The following TRRAP variants were observed in gnomAD, a reference collection of about 807,000 sequenced individuals.
TRRAP encodes transformation/transcription domain associated protein.
Under a neutral mutation model 438.8 loss-of-function variants are expected in TRRAP, and 41 were observed. The ratio of observed to expected loss-of-function variants is 0.09; its 90% CI spans 0.07 to 0.12. The LOEUF is 0.12. Among genes scored for constraint, TRRAP ranks in the 10% least tolerant of loss-of-function variants. The pLI is 1.00. For synonymous variants in TRRAP, 1,994 were observed against 1,962.9 expected (o/e 1.02, Z -0.42); for missense variants, 3,122 against 5,055.1 (o/e 0.62, Z 11.60).
At chr7:98,903,657 C>A (rs1217818745) in intron 12 of TRRAP, 140 bp downstream of exon 12, 27 of 1,230,176 alleles carry the variant, frequency 2.2e-5, no homozygotes, top group Non-Finnish European at 2.8e-5. Context: ...TTCATTCTTT[C>A]CCCTCTTTTC....
chr7:98,891,630 G>A (rs557204360), intron 4 of TRRAP, among the ~76,000 whole-genome samples: 94 of 151,056 alleles, frequency 6.2e-4, no homozygotes, highest in African/African-American at 2.1e-3. Context: ...CCGCCTCCCG[G>A]GTTCACACCA....
intron 1 of TRRAP, among the ~76,000 whole-genome samples, chr7:98,880,155 C>G (rs2116213649): frequency 6.6e-6 from 1 of 152,246 alleles, no homozygotes; most frequent in South Asian, 2.1e-4. Flanking sequence ...GGGAGCCCAC[C>G]TTTGGCACTT....
rs1791640863 is a variant in TRRAP, at chr7:98,956,778, CT to C, written c.6231+247del. ...AAGTTCTGTTGATGATGGTTGATTACTTGCAGAAAGGCATCTAGAGAAACTC... is the reference window on the plus strand; with the variant it reads ...AAGTTCTGTTGATGATGGTTGATTACTGCAGAAAGGCATCTAGAGAAACTC... On this transcript the variant is annotated intron_variant, in intron 43 of 72. Coordinates refer to ENST00000456197, the MANE Select transcript of TRRAP (RefSeq NM_001375524.1). The surrounding 1 kb of genome is among the most constrained non-coding windows in gnomAD (Gnocchi z 4.5). Among the ~76,000 whole-genome samples, 1 of 152,160 alleles carries C rather than the reference CT, an allele frequency of 6.6e-6. No homozygotes were observed. The highest frequency in any genetic ancestry group is 2.1e-4 in the South Asian group (1 of 4,822).
At chr7:98,911,326 T>C in intron 17 of TRRAP, 55 bp downstream of exon 17, 1 of 1,449,334 alleles carries the variant, frequency 6.9e-7, no homozygotes, top group East Asian at 2.4e-5. Context: ...TGTTTATGTC[T>C]TAAATACTTT....
At chr7:98,951,313 G>A (rs1554418220) in intron 39 of TRRAP, among the ~76,000 whole-genome samples, 1 of 152,098 alleles carries the variant, frequency 6.6e-6, no homozygotes, top group African/African-American at 2.4e-5. Flanking sequence ...GAAAACCCCT[G>A]TTGCCGGTCA....
At chr7:98,935,328 GAA>G (rs1275643288) in intron 27 of TRRAP, among the ~76,000 whole-genome samples, 1 of 152,030 alleles carries the variant, frequency 6.6e-6, no homozygotes, top group African/African-American at 2.4e-5. Flanking sequence ...GAGTGGGTGA[GAA>G]AAAAACATGG....
At chr7:98,915,074 T>G (rs1369629863) in intron 18 of TRRAP, among the ~76,000 whole-genome samples, 1 of 152,118 alleles carries the variant, frequency 6.6e-6, no homozygotes, top group Non-Finnish European at 1.5e-5. Context: ...AAAGAAAGAT[T>G]TATACAAAAA....
At chr7:99,002,195 C>T (rs1408177439) in intron 67 of TRRAP, among the ~76,000 whole-genome samples, 1 of 152,178 alleles carries the variant, frequency 6.6e-6, no homozygotes, top group Non-Finnish European at 1.5e-5. Context: ...GATGGTGCAG[C>T]TCAGCAACTG....
chr7:98,987,716 G>A (rs1225277560), intron 62 of TRRAP, among the ~76,000 whole-genome samples: 1 of 152,160 alleles, frequency 6.6e-6, no homozygotes, highest in Admixed American at 6.5e-5. Flanking sequence ...CTCAAGTACA[G>A]TGCTGAATTA....
At chr7:98,891,131 T>G (rs1795948261) in intron 4 of TRRAP, among the ~76,000 whole-genome samples, 1 of 149,952 alleles carries the variant, frequency 6.7e-6, no homozygotes, top group Non-Finnish European at 1.5e-5. Flanking sequence ...CAATTTTGTT[T>G]TATCGACACG....
Position 98,978,084 on chromosome 7 carries a change from T to C in TRRAP, c.8386-127T>C, listed in dbSNP as rs1175111181. On this transcript the variant is annotated intron_variant, in intron 56 of 72. Transcript: ENST00000456197. ...CCCTTGAGCCTAGGAATTAAGAGTT[T>C]GAGTCCAGCTTTGGCAACATAGCAA... is the stretch of plus-strand genomic sequence containing the variant. The C allele has an allele frequency of 2.3e-5, 19 of 808,868 alleles. No individual in the cohort carries two copies. The East Asian group carries it at 5.0e-4, about 21-fold the overall frequency. The allele number at this position is 808,868 out of a possible 1,614,324, so 50.1% of individuals were successfully genotyped here. A position where few individuals can be genotyped will look rare whatever the true frequency, so the allele number is the denominator to read the frequency against.
At chr7:98,900,864 C>T in intron 11 of TRRAP, 144 bp downstream of exon 11, 2 of 661,238 alleles carry the variant, frequency 3.0e-6, no homozygotes, top group Non-Finnish European at 5.0e-6. Flanking sequence ...TTCCATCAAC[C>T]TCCAAAATTC....
In TRRAP at chr7:98,964,626, T is replaced by C. The variant is rs765999375; in HGVS notation, c.6830-3T>C. Reference sequence around the variant, plus strand: ...GAAACACTTGGCAATTTCTACATTTTAGGGACCCTTATGATCCTCAAGTCT... The same window carrying C: ...GAAACACTTGGCAATTTCTACATTTCAGGGACCCTTATGATCCTCAAGTCT... On this transcript the variant is annotated splice_polypyrimidine_tract_variant and splice_region_variant and intron_variant, in intron 47 of 72. Coordinates refer to ENST00000456197, the MANE Select transcript of TRRAP (RefSeq NM_001375524.1). 6.2e-7 allele frequency: 1 copy of C among 1,605,392 alleles called. No individual in the cohort carries two copies. Among genetic ancestry groups the C allele is most frequent in the Non-Finnish European group, 8.5e-7 (1 of 1,177,728 alleles).
intron 3 of TRRAP, among the ~76,000 whole-genome samples, chr7:98,888,483 G>A (rs1386131340): frequency 6.6e-6 from 1 of 152,076 alleles, no homozygotes; most frequent in Non-Finnish European, 1.5e-5. Flanking sequence ...TTTGCAGTGA[G>A]CCAAGATCAC....
intron 31 of TRRAP, among the ~76,000 whole-genome samples, chr7:98,944,804 C>T (rs1790969346): frequency 6.6e-6 from 1 of 152,116 alleles, no homozygotes; most frequent in South Asian, 2.1e-4. Flanking sequence ...CAAAGCTGCC[C>T]TCGAGCATTT....
intron 69 of TRRAP, among the ~76,000 whole-genome samples, chr7:99,007,983 T>G (rs1417798350): frequency 1.3e-5 from 2 of 151,724 alleles, no homozygotes; most frequent in East Asian, 2.0e-4. Context: ...CTGCCACCAC[T>G]CCCGGCTAAT....
intron 38 of TRRAP, 47 bp from the exon 39 acceptor site, chr7:98,950,829 C>G: frequency 6.8e-7 from 1 of 1,477,902 alleles, no homozygotes; most frequent in Non-Finnish European, 9.0e-7. Flanking sequence ...AAGAAACAAA[C>G]AGCATGGCTT....
intron 53 of TRRAP, 157 bp from the exon 54 acceptor site, chr7:98,975,992 C>G: frequency 1.0e-6 from 1 of 1,001,376 alleles, no homozygotes; most frequent in East Asian, 2.7e-5. Flanking sequence ...GATCTGTGGG[C>G]TTTTACTCTA....
At chr7:98,899,290 A>G (rs1379643279) in intron 8 of TRRAP, 132 bp from the exon 9 acceptor site, 1 of 729,190 alleles carries the variant, frequency 1.4e-6, no homozygotes, top group African/African-American at 1.8e-5. Flanking sequence ...ATCTTTCATC[A>G]CAAATATTTA....
Sources: gnomAD v4.1 joint callset for allele counts (sites outside exome capture counted in the v4.1 genomes callset) on GRCh38, gnomAD v4.1.1 for gene constraint, Gnocchi (gnomAD v3.1) non-coding constraint, MANE v1.5 for transcripts, NCBI Gene and HGNC (gene_info 2026-07-23, HGNC 2026-07-21) for gene names.